TSPAN18: variants seen among roughly 807,000 people sequenced by gnomAD.
TSPAN18 encodes the protein tetraspanin-18.
A neutral mutation model predicts 27.3 loss-of-function variants in TSPAN18; 14 were observed. The ratio of observed to expected loss-of-function variants is 0.51; its 90% confidence interval spans 0.34 to 0.80. TSPAN18 has a LOEUF of 0.80. Among genes scored for constraint, TSPAN18 ranks in the 30% least tolerant of loss-of-function variants. The probability of loss-of-function intolerance (pLI) is 0.01; values close to 1 mark genes in which losing one functional copy is unlikely to be tolerated. For missense variants in TSPAN18, 268 were observed against 323.9 expected (o/e 0.83, Z 1.32); for synonymous variants, 143 against 136.5 (o/e 1.05, Z -0.33).
chr11:44,814,317 C>T (rs1856777937), intron 2 of TSPAN18, among the ~76,000 whole-genome samples: 1 of 152,128 alleles, frequency 6.6e-6, no homozygotes, highest in South Asian at 2.1e-4. Flanking sequence ...TTCCCATCCC[C>T]CAGATAGGAA....
chr11:44,864,881 C>T (rs191231614), intron 3 of TSPAN18, among the ~76,000 whole-genome samples: 11 of 152,302 alleles, frequency 7.2e-5, no homozygotes, highest in Non-Finnish European at 1.3e-4. Context: ...GTTTGCCTGG[C>T]GGTCTCCTTG....
chr11:44,772,372 A>C (rs1855707044), intron 2 of TSPAN18, among the ~76,000 whole-genome samples: 1 of 152,224 alleles, frequency 6.6e-6, no homozygotes, highest in South Asian at 2.1e-4. Flanking sequence ...AACAGACTGA[A>C]ATTTTTGTGA....
intron 2 of TSPAN18, among the ~76,000 whole-genome samples, chr11:44,818,183 G>A (rs1422771277): frequency 6.6e-6 from 1 of 152,254 alleles, no homozygotes; most frequent in African/African-American, 2.4e-5. Flanking sequence ...GGTGGGTGAT[G>A]TGGGCAAGTC....
chr11:44,911,169 G>A (rs919983300), intron 5 of TSPAN18, among the ~76,000 whole-genome samples: 3 of 152,218 alleles, frequency 2.0e-5, no homozygotes, highest in African/African-American at 7.2e-5. Context: ...AGAAGCGTGG[G>A]TGTGTCTGGG....
chr11:44,881,111 G>A (rs1858477602), intron 3 of TSPAN18, among the ~76,000 whole-genome samples: 1 of 152,236 alleles, frequency 6.6e-6, no homozygotes, highest in Non-Finnish European at 1.5e-5. Context: ...CCTTGAACAA[G>A]TAACTTAACC....
intron 2 of TSPAN18, among the ~76,000 whole-genome samples, chr11:44,851,145 G>A (rs985762046): frequency 1.3e-5 from 2 of 152,224 alleles, no homozygotes; most frequent in Admixed American, 6.5e-5. Context: ...GGATGTGAGT[G>A]CGTGGAGAGA....
At chr11:44,782,801 A>G (rs1457998499) in intron 2 of TSPAN18, among the ~76,000 whole-genome samples, 1 of 152,142 alleles carries the variant, frequency 6.6e-6, no homozygotes, top group Non-Finnish European at 1.5e-5. Flanking sequence ...TTGTCATTTG[A>G]ACACTTTCTT....
At chr11:44,821,227 A>G (rs939512793) in intron 2 of TSPAN18, among the ~76,000 whole-genome samples, 3 of 152,212 alleles carry the variant, frequency 2.0e-5, no homozygotes, top group Non-Finnish European at 4.4e-5. Flanking sequence ...GTTTAACTCT[A>G]CACTCCTCAG....
chr11:44,879,479 G>A (rs1366943017), intron 3 of TSPAN18, among the ~76,000 whole-genome samples: 1 of 152,250 alleles, frequency 6.6e-6, no homozygotes, highest in African/African-American at 2.4e-5. Context: ...GGGGCTTAGG[G>A]AAGGTCTCTG....
chr11:44,737,850 T>A (rs1041618885), intron 1 of TSPAN18, among the ~76,000 whole-genome samples: 6 of 151,984 alleles, frequency 3.9e-5, no homozygotes, highest in African/African-American at 1.4e-4. Context: ...TTTTCCTCCC[T>A]CTTTAGTTAC....
At chr11:44,768,298 C>T (rs1370696504) in intron 2 of TSPAN18, among the ~76,000 whole-genome samples, 2 of 152,184 alleles carry the variant, frequency 1.3e-5, no homozygotes, top group African/African-American at 4.8e-5. Context: ...TAGTTTTCCT[C>T]ATACAGATCT....
intron 3 of TSPAN18, chr11:44,897,763 A>G: frequency 7.8e-7 from 1 of 1,289,280 alleles, no homozygotes; most frequent in Non-Finnish European, 1.0e-6. Context: ...TGGGCCGATA[A>G]AAGAAATATA....
chr11:44,880,885 G>T (rs1007769060), intron 3 of TSPAN18, among the ~76,000 whole-genome samples: 4 of 152,276 alleles, frequency 2.6e-5, no homozygotes, highest in Non-Finnish European at 5.9e-5. Flanking sequence ...GACTGCAGGG[G>T]TGGGCAACAT....
intron 3 of TSPAN18, among the ~76,000 whole-genome samples, chr11:44,900,710 T>C (rs1490455245): frequency 9.9e-6 from 1 of 100,830 alleles, no homozygotes; most frequent in Non-Finnish European, 2.1e-5. Flanking sequence ...TTTTTTTTTT[T>C]TGAGATGGAA....
intron 3 of TSPAN18, among the ~76,000 whole-genome samples, chr11:44,896,745 G>GC (rs1193119055): frequency 6.6e-6 from 1 of 152,046 alleles, no homozygotes; most frequent in African/African-American, 2.4e-5. Flanking sequence ...GGGTTCCCCA[G>GC]CCCTGCTGTT....
At chr11:44,922,106 G>T (rs1382090114) in intron 8 of TSPAN18, among the ~76,000 whole-genome samples, 1 of 141,162 alleles carries the variant, frequency 7.1e-6, no homozygotes, top group East Asian at 2.1e-4. Flanking sequence ...CTTGCTTAAA[G>T]CCCAGGATGC....
At chr11:44,854,113 G>A (rs1223066348) in intron 2 of TSPAN18, among the ~76,000 whole-genome samples, 2 of 148,432 alleles carry the variant, frequency 1.3e-5, no homozygotes, top group Non-Finnish European at 3.0e-5. Flanking sequence ...ATAATCGTGT[G>A]CAGCCTGAGG....
intron 2 of TSPAN18, among the ~76,000 whole-genome samples, chr11:44,816,321 C>T (rs114738985): frequency 1.1e-3 from 167 of 152,324 alleles, no homozygotes; most frequent in African/African-American, 3.9e-3. Flanking sequence ...ATTCCTGGGT[C>T]ACCCGCAACT....
intron 2 of TSPAN18, among the ~76,000 whole-genome samples, chr11:44,765,865 A>G (rs944633402): frequency 2.0e-5 from 3 of 152,200 alleles, no homozygotes; most frequent in Non-Finnish European, 4.4e-5. Flanking sequence ...GCATCTCATG[A>G]AATCCCTGCA....
Sources: allele counts gnomAD v4.1 joint callset (sites outside exome capture counted in the v4.1 genomes callset), GRCh38; gene constraint gnomAD v4.1.1; transcripts MANE v1.5; gene names NCBI Gene and HGNC (gene_info 2026-07-23, HGNC 2026-07-21).